MRS2: variants seen among roughly 807,000 people sequenced by gnomAD.
MRS2 encodes magnesium transporter MRS2 homolog, mitochondrial.
Under a neutral mutation model 52.6 loss-of-function variants are expected in MRS2, and 40 were observed. The ratio of observed to expected loss-of-function variants is 0.76; its 90% CI spans 0.59 to 0.99. The LOEUF is 0.99. MRS2 is among the 50% of genes least tolerant of loss of function. MRS2 has a pLI of 0.00. For synonymous variants in MRS2, 193 were observed against 195.9 expected, an observed-to-expected ratio of 0.98 and a Z score of 0.13; for missense variants, 472 against 532.7, an observed-to-expected ratio of 0.89 and a Z score of 1.12.
chr6:24,406,943 A>C (rs915439565), intron 2 of MRS2, among the ~76,000 whole-genome samples: 1 of 152,106 alleles, frequency 6.6e-6, no homozygotes, highest in African/African-American at 2.4e-5. Flanking sequence ...CAAAGTAAAT[A>C]TTTTTTTCTT....
intron 3 of MRS2, 27 bp downstream of exon 3, chr6:24,408,471 T>A: frequency 6.7e-7 from 1 of 1,489,084 alleles, no homozygotes; most frequent in Non-Finnish European, 9.3e-7. Flanking sequence ...CTAAATCATT[T>A]TTTAAACATT....
At chr6:24,417,784 A>G (rs2127294474) in intron 7 of MRS2, among the ~76,000 whole-genome samples, 1 of 152,292 alleles carries the variant, frequency 6.6e-6, no homozygotes, top group African/African-American at 2.4e-5. Context: ...TCTACTAAAA[A>G]TACAAAAATT....
At position 24,418,206 on chromosome 6, in the gene MRS2, C is replaced by T. The variant is rs1431652186; in HGVS notation, c.959C>T (p.Ser320Leu). Residue 320 changes from serine (S) to leucine (L), a missense_variant, in exon 8 of 11, where the codon TCA (serine) becomes TTA (leucine). Ser to Leu is a moderately radical substitution (Grantham distance 145, BLOSUM62 -2). Coordinates refer to ENST00000378386, the MANE Select transcript of MRS2 (RefSeq NM_020662.4). Reference protein sequence around the residue: ...ARELRVLIDDSQSIIFINLDS... With the variant: ...ARELRVLIDDLQSIIFINLDS... ...GAGCTTAGGGTGCTGATTGATGATT[C>T]ACAAAGTATTATTTTCATTAATCTG... 2.5e-6 allele frequency: 4 copies of T among 1,611,892 alleles called. No homozygotes were observed. The highest frequency in any genetic ancestry group is 3.4e-6 in the Non-Finnish European group (4 of 1,179,186).
At position 24,418,710 on chromosome 6, in the gene MRS2, C is replaced by T. The variant is rs1023052976; in HGVS notation, c.1107+132C>T. The T allele has an allele frequency of 7.3e-5, 48 of 660,304 alleles. No individual in the cohort carries two copies. In the Admixed American group the frequency reaches 1.1e-3, roughly 16 times the overall value. 40.9% of individuals were successfully genotyped at this position (660,304 alleles called of 1,614,324 possible). ...GGTCAGGAGTTTGAGACCAACCTGGCCAACATGGCGAAACCCTGTCTCTAC... is the reference window on the plus strand; with the variant it reads ...GGTCAGGAGTTTGAGACCAACCTGGTCAACATGGCGAAACCCTGTCTCTAC... On this transcript the variant is annotated intron_variant, in intron 9 of 10. Transcript: ENST00000378386.
intron 9 of MRS2, among the ~76,000 whole-genome samples, chr6:24,420,405 G>A (rs1762006082): frequency 6.6e-6 from 1 of 152,156 alleles, no homozygotes; most frequent in African/African-American, 2.4e-5. Flanking sequence ...GCTCCTTGAA[G>A]CAAAGACAGT....
Position 24,418,612 on chromosome 6 carries a change from G to A in MRS2, c.1107+34G>A, listed in dbSNP as rs1281028939. ...GTATTATTATTTCTAAAACTTGGGG[G>A]TTTTGGCCGGGCATGGTGGCTCATG... On this transcript the variant is annotated intron_variant, in intron 9 of 10. Transcript: ENST00000378386. The A allele has an allele frequency of 2.6e-6, 4 of 1,539,656 alleles. No homozygotes were observed. The African/African-American group carries it at 5.5e-5, about 21-fold the overall frequency.
chr6:24,410,602 C>A, intron 4 of MRS2: 1 of 645,188 alleles, frequency 1.5e-6, no homozygotes, highest in Non-Finnish European at 2.4e-6. Context: ...GGGAGGGTCA[C>A]CAGAGACCAG....
At chr6:24,418,608 G>C (rs780624237) in intron 9 of MRS2, 30 bp downstream of exon 9, 1 of 1,530,436 alleles carries the variant, frequency 6.5e-7, no homozygotes, top group South Asian at 1.1e-5. Context: ...TCTAAAACTT[G>C]GGGGTTTTGG....
At chr6:24,413,747 T>C (rs191568307) in intron 5 of MRS2, among the ~76,000 whole-genome samples, 79 of 152,368 alleles carry the variant, frequency 5.2e-4, no homozygotes, top group African/African-American at 1.8e-3. Flanking sequence ...TAAAAAAATC[T>C]GTTTCACAGT....
chr6:24,414,314 T>C (rs1761765242), intron 5 of MRS2, among the ~76,000 whole-genome samples: 1 of 152,114 alleles, frequency 6.6e-6, no homozygotes, highest in African/African-American at 2.4e-5. Flanking sequence ...GCAGTGTTTG[T>C]GTCCCTGGGT....
chr6:24,403,514 A>G (rs1228582540), intron 1 of MRS2, among the ~76,000 whole-genome samples: 1 of 152,228 alleles, frequency 6.6e-6, no homozygotes, highest in Admixed American at 6.5e-5. Flanking sequence ...TAACCATAGG[A>G]ACAACCTAGG....
Position 24,415,135 on chromosome 6 carries a change from C to A in MRS2, c.691C>A (p.Leu231Met). 6.2e-7 allele frequency: 1 copy of A among 1,603,104 alleles called. No homozygotes were observed. The highest frequency in any genetic ancestry group is 8.5e-7 in the Non-Finnish European group (1 of 1,171,718). The change falls in exon 6 of 11, where the codon CTG (leucine) becomes ATG (methionine). Residue 231 changes from leucine to methionine, a missense_variant. Physicochemically the swap from Leu to Met is conservative, Grantham distance 15. Coordinates refer to ENST00000378386, the MANE Select transcript of MRS2 (RefSeq NM_020662.4). ...ACATTCTTCTGTAGACAGAAGCAAA[C>A]TGCACATTTTACTACAGAATGGCAA... ...PKHSSVDRSK[L>M]HILLQNGKSL...
At chr6:24,404,444 G>A (rs958423549) in intron 1 of MRS2, among the ~76,000 whole-genome samples, 2 of 152,098 alleles carry the variant, frequency 1.3e-5, no homozygotes, top group African/African-American at 2.4e-5. Context: ...TTACGTGTAT[G>A]TAGTAGAAAA....
intron 7 of MRS2, 101 bp from the exon 8 acceptor site, chr6:24,417,983 A>T: frequency 1.1e-6 from 1 of 887,822 alleles, no homozygotes; most frequent in Non-Finnish European, 1.7e-6. Flanking sequence ...TAGCTTTTCC[A>T]CTGGTAGCTG....
chr6:24,423,499 C>A, intron 10 of MRS2, 85 bp from the exon 11 acceptor site: 2 of 670,548 alleles, frequency 3.0e-6, no homozygotes, highest in Admixed American at 2.8e-5. Flanking sequence ...GTCCTTTCTT[C>A]ACTGAGTAGT....
Position 24,415,062 on chromosome 6 carries a change from T to C in MRS2, c.618T>C (p.Ile206=). 1 of 1,610,970 alleles carries C rather than the reference T, an allele frequency of 6.2e-7. No homozygotes were observed. The highest frequency in any genetic ancestry group is 8.5e-7 in the Non-Finnish European group (1 of 1,177,628). The change falls in exon 6 of 11, where the codon ATT becomes ATC. Residue 206 remains isoleucine (I), a synonymous_variant. Coordinates refer to ENST00000378386, the MANE Select transcript of MRS2 (RefSeq NM_020662.4). The part of the protein sequence containing the change: ...WINTLQGKLS[I]LQPLILETLD... The stretch of plus-strand genomic sequence containing the variant: ...ACACCCTTCAGGGGAAACTTAGCAT[T>C]TTGCAGCCACTGATCCTTGAGACCT...
chr6:24,415,213 A>T, intron 6 of MRS2, 50 bp downstream of exon 6: 1 of 1,488,140 alleles, frequency 6.7e-7, no homozygotes, highest in Non-Finnish European at 9.1e-7. Flanking sequence ...AATATCTTAA[A>T]ATCAATTATT....
At chr6:24,421,560 T>TA (rs200318725) in intron 9 of MRS2, among the ~76,000 whole-genome samples, 58 of 152,318 alleles carry the variant, frequency 3.8e-4, no homozygotes, top group South Asian at 2.1e-3. Flanking sequence ...AGAATTTCCA[T>TA]TTTCTTAAAC....
intron 2 of MRS2, among the ~76,000 whole-genome samples, chr6:24,406,209 A>G (rs1477670525): frequency 2.0e-5 from 3 of 152,048 alleles, no homozygotes; most frequent in Non-Finnish European, 2.9e-5. Context: ...TTACAATAAC[A>G]TCTTTGTGCC....
Sources: gnomAD v4.1 joint callset for allele counts (sites outside exome capture counted in the v4.1 genomes callset) on GRCh38, gnomAD v4.1.1 for gene constraint, MANE v1.5 for transcripts, NCBI Gene and HGNC (gene_info 2026-07-23, HGNC 2026-07-21) for gene names.